Variants in DMKN observed in about 807,000 individuals in gnomAD.
DMKN encodes dermokine.
A neutral mutation model predicts 67.6 loss-of-function variants in DMKN; 58 were observed. The observed-to-expected ratio is 0.86, with a 90% confidence interval of 0.69 to 1.07. The LOEUF (loss-of-function observed/expected upper bound fraction) is 1.07. Among genes scored for constraint, DMKN ranks in the 50% least tolerant of loss-of-function variants. DMKN has a pLI of 0.00. For missense variants in DMKN, 596 were observed against 601.5 expected, an observed-to-expected ratio of 0.99 and a Z score of 0.10; for synonymous variants, 240 against 232.3, an observed-to-expected ratio of 1.03 and a Z score of -0.30.
chr19:35,510,477 G>T, intron 5 of DMKN: 1 of 1,551,494 alleles, frequency 6.4e-7, no homozygotes, highest in Non-Finnish European at 8.7e-7. Context: ...CAATGATTTG[G>T]AGAACCTGAG....
At chr19:35,501,148 C>CT (rs1231069195) in intron 11 of DMKN, among the ~76,000 whole-genome samples, 1 of 152,176 alleles carries the variant, frequency 6.6e-6, no homozygotes, top group Non-Finnish European at 1.5e-5. Context: ...AGGAGAAACT[C>CT]TAAGCGTTGA....
Position 35,505,580 on chromosome 19 carries a change from C to T in DMKN, c.1134+138G>A, listed in dbSNP as rs1277170854. 9.3e-6 allele frequency: 10 copies of T among 1,075,008 alleles called. No individual in the cohort carries two copies. The Admixed American group carries it at 2.1e-4, about 23-fold the overall frequency. 66.6% of individuals were successfully genotyped at this position (1,075,008 alleles called of 1,614,324 possible). On this transcript the variant is annotated intron_variant, in intron 9 of 15. Transcript: ENST00000339686. ...CTCCTCTGTCCTCCCTCCTCCACCC[C>T]CAGTGTGTTTAGTTTTTGTTTTTAG...
chr19:35,506,252 C>T, intron 7 of DMKN: 1 of 1,440,462 alleles, frequency 6.9e-7, no homozygotes, highest in Non-Finnish European at 9.1e-7. Flanking sequence ...CACCTGTCAA[C>T]CTGCCCCGGA....
At chr19:35,499,554 C>T (rs921799652) in intron 13 of DMKN, among the ~76,000 whole-genome samples, 33 of 152,198 alleles carry the variant, frequency 2.2e-4, no homozygotes, top group African/African-American at 8.0e-4. Flanking sequence ...TGCTAGTCTG[C>T]TTTCCTCGCC....
In DMKN at chr19:35,500,516, T is replaced by C; in HGVS notation, c.1287+17A>G. ...GGACCAAGGGCCCTGCAGGGTAACT[T>C]GAGGACAGAGACTCACCTGATCGTC... On this transcript the variant is annotated intron_variant, in intron 12 of 15. Coordinates refer to ENST00000339686, the MANE Select transcript of DMKN (RefSeq NM_033317.5). The C allele has an allele frequency of 6.2e-7, 1 of 1,608,454 alleles. No homozygotes were observed. Among genetic ancestry groups the C allele is most frequent in the African/African-American group, 1.3e-5 (1 of 74,968 alleles).
Position 35,513,482 on chromosome 19 carries a change from C to T in DMKN, c.-7G>A. On this transcript the variant is annotated 5_prime_UTR_variant, in exon 1 of 16. Coordinates refer to ENST00000339686, the MANE Select transcript of DMKN (RefSeq NM_033317.5). The stretch of plus-strand genomic sequence containing the variant: ...GGGGCCCCTGGAACTTCATCTCTGC[C>T]CAGCCCCCTCTCTCTCCAGAGTGTC... 1 of 1,590,762 alleles carries T rather than the reference C, an allele frequency of 6.3e-7. No homozygotes were observed. Among genetic ancestry groups the T allele is most frequent in the Non-Finnish European group, 8.5e-7 (1 of 1,176,382 alleles).
chr19:35,509,341 T>C (rs535098060), intron 7 of DMKN, among the ~76,000 whole-genome samples: 9 of 152,154 alleles, frequency 5.9e-5, no homozygotes, highest in Non-Finnish European at 1.3e-4. Flanking sequence ...AAAAGAGATG[T>C]CTCTACTCAG....
chr19:35,511,723 C>T, intron 4 of DMKN, 40 bp downstream of exon 4: 1 of 1,602,810 alleles, frequency 6.2e-7, no homozygotes. Context: ...TCTCCATTTC[C>T]TCCTGGTGCA....
chr19:35,511,527 T>TGCTGCC lies in DMKN; in HGVS notation c.796_801dup (p.Gly266_Ser267dup), dbSNP rs1568639666. 1.3e-6 allele frequency: 2 copies of TGCTGCC among 1,561,560 alleles called. No individual in the cohort carries two copies. Among genetic ancestry groups the TGCTGCC allele is most frequent in the Non-Finnish European group, 1.7e-6 (2 of 1,155,628 alleles). On this transcript the variant is annotated inframe_insertion, in exon 5 of 16. Coordinates refer to ENST00000339686, the MANE Select transcript of DMKN (RefSeq NM_033317.5). ...CTGCCACTGCTGCTGCCACCACTGCTGCTGCCATTGTTGTTGTCACCATTG... is the reference window on the plus strand; with the variant it reads ...CTGCCACTGCTGCTGCCACCACTGCTGCTGCCGCTGCCATTGTTGTTGTCACCATTG...
At chr19:35,511,874 C>A in intron 3 of DMKN, 61 bp from the exon 4 acceptor site, 1 of 1,549,852 alleles carries the variant, frequency 6.5e-7, no homozygotes, top group South Asian at 1.2e-5. Context: ...TGGCCTCGGC[C>A]ATGGACACAG....
In DMKN at chr19:35,511,508, C is replaced by T. The variant is rs766211083; in HGVS notation, c.821G>A (p.Ser274Asn). 3 of 1,108,444 alleles carry T rather than the reference C, an allele frequency of 2.7e-6. No individual in the cohort carries two copies. Among genetic ancestry groups the T allele is most frequent in the African/African-American group, 3.5e-5 (2 of 57,116 alleles). 68.7% of individuals were successfully genotyped at this position (1,108,444 alleles called of 1,614,324 possible). ...NNGSSSGGSSSGSSSGGSSGG... is the reference protein window; with the variant it reads ...NNGSSSGGSSNGSSSGGSSGG... ...ACTGCTGCCGCCACTGCTGCTGCCA[C>T]TGCTGCTGCCACCACTGCTGCTGCC... The change falls in exon 5 of 16, where the codon AGT (serine) becomes AAT (asparagine). Residue 274 changes from serine to asparagine, a missense_variant. Ser to Asn is a conservative substitution (Grantham distance 46). Coordinates refer to ENST00000339686, the MANE Select transcript of DMKN (RefSeq NM_033317.5).
At chr19:35,505,229 C>T (rs1407305393) in intron 9 of DMKN, among the ~76,000 whole-genome samples, 1 of 152,016 alleles carries the variant, frequency 6.6e-6, no homozygotes, top group Non-Finnish European at 1.5e-5. Context: ...GAAGGGTAGG[C>T]AGGGAGGAAG....
At chr19:35,506,265 G>T in intron 7 of DMKN, 1 of 1,388,648 alleles carries the variant, frequency 7.2e-7, no homozygotes, top group Non-Finnish European at 9.5e-7. Flanking sequence ...GCCCCGGATT[G>T]CTTCATCCCC....
chr19:35,506,071 G>C (rs552540032), intron 7 of DMKN, 85 bp from the exon 8 acceptor site: 5 of 1,609,336 alleles, frequency 3.1e-6, no homozygotes, highest in Non-Finnish European at 4.2e-6. Flanking sequence ...GAGGGGAGGC[G>C]AGGATTGTGT....
intron 9 of DMKN, 58 bp downstream of exon 9, chr19:35,505,660 A>G: frequency 6.2e-7 from 1 of 1,608,080 alleles, no homozygotes; most frequent in Non-Finnish European, 8.5e-7. Context: ...CAGCTCACAG[A>G]GCGGAGGTTT....
chr19:35,500,181 C>T, intron 12 of DMKN, 152 bp from the exon 13 acceptor site: 5 of 1,180,236 alleles, frequency 4.2e-6, no homozygotes, highest in Non-Finnish European at 6.1e-6. Context: ...TATACAATCT[C>T]CTCCAGCCAG....
At chr19:35,512,031 T>C (rs1233514059) in intron 3 of DMKN, among the ~76,000 whole-genome samples, 1 of 135,210 alleles carries the variant, frequency 7.4e-6, no homozygotes, top group Admixed American at 8.1e-5. Context: ...AGGGTCTCAC[T>C]CTGTTGCTCA....
intron 9 of DMKN, 67 bp downstream of exon 9, chr19:35,505,651 A>G: frequency 6.2e-7 from 1 of 1,602,594 alleles, no homozygotes; most frequent in African/African-American, 1.3e-5. Flanking sequence ...CTGTTTCCCC[A>G]GCTCACAGAG....
chr19:35,499,201 C>A, intron 13 of DMKN: 1 of 450,402 alleles, frequency 2.2e-6, no homozygotes, highest in South Asian at 2.4e-5. Flanking sequence ...CCACAGATAA[C>A]CCGGCAGAGT....
Sources: allele counts gnomAD v4.1 joint callset (sites outside exome capture counted in the v4.1 genomes callset), GRCh38; gene constraint gnomAD v4.1.1; transcripts MANE v1.5; gene names NCBI Gene and HGNC (gene_info 2026-07-23, HGNC 2026-07-21).